EFCAB5: variants seen among roughly 807,000 people sequenced by gnomAD.
The protein encoded by EFCAB5 is EF-hand calcium-binding domain-containing protein 5.
EFCAB5 carries 131 observed loss-of-function variants against 167.9 expected under a neutral mutation model. The ratio of observed to expected loss-of-function variants is 0.78; its 90% CI spans 0.68 to 0.90. The LOEUF is 0.90. Among genes scored for constraint, EFCAB5 ranks in the 40% least tolerant of loss-of-function variants. The probability of loss-of-function intolerance (pLI) is 0.00; values close to 1 mark genes in which losing one functional copy is unlikely to be tolerated. For synonymous variants in EFCAB5, 574 were observed against 602.8 expected, an observed-to-expected ratio of 0.95 and a Z score of 0.70; for missense variants, 1,663 against 1,745.2, an observed-to-expected ratio of 0.95 and a Z score of 0.84.
At chr17:30,027,613 G>A (rs2069366156) in intron 7 of EFCAB5, among the ~76,000 whole-genome samples, 1 of 152,036 alleles carries the variant, frequency 6.6e-6, no homozygotes, top group African/African-American at 2.4e-5. Flanking sequence ...TATACCATCG[G>A]CATGCATCGA....
At chr17:30,047,581 T>A (rs1051073205) in intron 8 of EFCAB5, among the ~76,000 whole-genome samples, 3 of 152,226 alleles carry the variant, frequency 2.0e-5, no homozygotes, top group African/African-American at 7.2e-5. Context: ...CAAGGCCATA[T>A]TTTAACGGAT....
chr17:30,097,046 ATACATATATATATATTT>A (rs1255927441), intron 22 of EFCAB5, among the ~76,000 whole-genome samples: 2,865 of 86,042 alleles, frequency 0.033, 149 homozygotes, highest in African/African-American at 0.15. Flanking sequence ...ACATATACAT[ATACATATATATATATTT>A]TTTTTTTTTT....
chr17:29,984,336 T>C (rs2068237173), intron 4 of EFCAB5, among the ~76,000 whole-genome samples: 1 of 151,422 alleles, frequency 6.6e-6, no homozygotes, highest in Non-Finnish European at 1.5e-5. Flanking sequence ...GCAGACAAGC[T>C]CTCAGAACTT....
intron 14 of EFCAB5, among the ~76,000 whole-genome samples, chr17:30,072,354 A>G (rs556832156): frequency 1.3e-5 from 2 of 152,358 alleles, no homozygotes; most frequent in South Asian, 4.1e-4. Flanking sequence ...CAAAACAACA[A>G]CAACAAAAAA....
chr17:30,045,858 T>TAAAA (rs1049413349), intron 8 of EFCAB5, among the ~76,000 whole-genome samples: 7 of 151,104 alleles, frequency 4.6e-5, no homozygotes, highest in Admixed American at 1.3e-4. Flanking sequence ...AATAAATAAA[T>TAAAA]AAAATTAAAA....
intron 22 of EFCAB5, among the ~76,000 whole-genome samples, chr17:30,099,850 A>G (rs912776003): frequency 1.3e-5 from 2 of 152,084 alleles, no homozygotes; most frequent in African/African-American, 4.8e-5. Flanking sequence ...GTGTGCCCAC[A>G]GAGCGCGTTC....
intron 7 of EFCAB5, among the ~76,000 whole-genome samples, chr17:30,015,906 G>A (rs553285903): frequency 5.3e-5 from 8 of 152,076 alleles, no homozygotes; most frequent in Middle Eastern, 3.4e-3. Context: ...AGCTTTCCAA[G>A]TAGCTGGGAT....
intron 3 of EFCAB5, among the ~76,000 whole-genome samples, chr17:29,961,876 A>T (rs548471211): frequency 6.6e-6 from 1 of 152,166 alleles, no homozygotes; most frequent in African/African-American, 2.4e-5. Flanking sequence ...TTTTGTATAT[A>T]AGGTAAAGGA....
At chr17:30,081,574 T>C (rs2070989170) in intron 17 of EFCAB5, among the ~76,000 whole-genome samples, 2 of 152,214 alleles carry the variant, frequency 1.3e-5, no homozygotes, top group South Asian at 2.1e-4. Flanking sequence ...GAACTTGCAA[T>C]AAAGGAAGAT....
At chr17:29,965,483 T>C (rs1597590726) in intron 3 of EFCAB5, among the ~76,000 whole-genome samples, 2 of 152,198 alleles carry the variant, frequency 1.3e-5, no homozygotes, top group African/African-American at 4.8e-5. Context: ...ATGTGCCATG[T>C]GCACTTGAGA....
intron 14 of EFCAB5, chr17:30,073,088 A>G (rs1419699900): frequency 7.6e-6 from 5 of 661,310 alleles, no homozygotes; most frequent in Admixed American, 2.3e-5. Flanking sequence ...ACCAGGTCTC[A>G]CTCTGTCGCC....
chr17:30,020,451 G>A (rs1007743374), intron 7 of EFCAB5, among the ~76,000 whole-genome samples: 5 of 147,294 alleles, frequency 3.4e-5, no homozygotes, highest in Non-Finnish European at 5.9e-5. Context: ...TGCAACCTCC[G>A]CCTTCCAGGT....
At chr17:30,070,580 T>C (rs73267672) in intron 14 of EFCAB5, among the ~76,000 whole-genome samples, 2,595 of 152,238 alleles carry the variant, frequency 0.017, 78 homozygotes, top group African/African-American at 0.058. Context: ...AGAACATTCA[T>C]TGGGGAAGGG....
At chr17:30,093,012 A>G in intron 22 of EFCAB5, 76 bp downstream of exon 22, 1 of 1,134,822 alleles carries the variant, frequency 8.8e-7, no homozygotes, top group South Asian at 1.5e-5. Flanking sequence ...ATTAGGATAA[A>G]GCAAGTGGGT....
intron 3 of EFCAB5, among the ~76,000 whole-genome samples, chr17:29,957,321 T>A (rs181018673): frequency 1.4e-3 from 215 of 152,288 alleles, no homozygotes; most frequent in African/African-American, 4.9e-3. Context: ...GATTTTTTTT[T>A]AATTTTTATT....
Position 30,077,335 on chromosome 17 carries a change from C to T in EFCAB5, c.2738-880C>T, listed in dbSNP as rs9909621. ...AAATAAATAAATAAAAAATGCAAAA[C>T]GAAACCACGTGTTGTTTAGAAGTGT... On this transcript the variant is annotated intron_variant, in intron 14 of 22. Transcript: ENST00000394835. Among the ~76,000 whole-genome samples, 1,086 of 151,980 alleles carry T rather than the reference C, an allele frequency of 7.1e-3. 10 individuals carry two copies. Among genetic ancestry groups the T allele is most frequent in the African/African-American group, 0.023 (940 of 41,440 alleles).
rs370192625 is a variant in EFCAB5 at position 30,012,999 on chromosome 17, A to G, written c.1044+13023A>G. On this transcript the variant is annotated intron_variant, in intron 7 of 22. Transcript: ENST00000394835. ...TCCCATCAATACCTAGTTTATTGAG[A>G]GTTTTTAGCACAAAGGCTGTTGAAT... 4.8e-4 allele frequency among the ~76,000 whole-genome samples: 73 copies of G among 152,296 alleles called. No homozygotes were observed. In the East Asian group the frequency reaches 0.012, roughly 26 times the overall value.
At chr17:29,986,868 C>T (rs529700402) in intron 4 of EFCAB5, among the ~76,000 whole-genome samples, 38 of 151,746 alleles carry the variant, frequency 2.5e-4, no homozygotes, top group Middle Eastern at 3.4e-3. Context: ...AGGATGGTCT[C>T]GATCTCCTGA....
At chr17:29,965,761 G>C (rs545921143) in intron 3 of EFCAB5, among the ~76,000 whole-genome samples, 1 of 152,122 alleles carries the variant, frequency 6.6e-6, no homozygotes, top group Non-Finnish European at 1.5e-5. Context: ...TTTATTTCTG[G>C]ACTCTCAATT....
Sources: gnomAD v4.1 joint callset for allele counts (sites outside exome capture counted in the v4.1 genomes callset) on GRCh38, gnomAD v4.1.1 for gene constraint, MANE v1.5 for transcripts, NCBI Gene and HGNC (gene_info 2026-07-23, HGNC 2026-07-21) for gene names.